Variants in TET3 observed in about 807,000 individuals in gnomAD.
TET3 encodes the protein tet methylcytosine dioxygenase 3.
Under a neutral mutation model 141.4 loss-of-function variants are expected in TET3, and 19 were observed. That is an observed-to-expected ratio of 0.13 (90% CI 0.09 to 0.20). The LOEUF (loss-of-function observed/expected upper bound fraction) is 0.20, where lower values mean the gene tolerates loss of function less well. Among genes scored for constraint, TET3 ranks in the 10% least tolerant of loss-of-function variants. The pLI, the probability that TET3 is intolerant of heterozygous loss-of-function variation, is 1.00. For missense variants in TET3, 1,874 were observed against 2,356.9 expected (o/e 0.80, Z 4.24); for synonymous variants, 1,043 against 980.9 (o/e 1.06, Z -1.18).
At chr2:74,117,908 G>A in the TET3 span, among the ~76,000 whole-genome samples, 9 of 151,864 alleles carry the variant, frequency 5.9e-5, no homozygotes, top group South Asian at 4.2e-4. Context: ...ACCACACCCA[G>A]CTAATTTTTG....
At chr2:74,057,528 G>A (rs1688281373) in intron 4 of TET3, among the ~76,000 whole-genome samples, 1 of 152,236 alleles carries the variant, frequency 6.6e-6, no homozygotes. Flanking sequence ...ACAGGAGTAA[G>A]GAAATTCTGC....
chr2:74,100,936 C>T lies in TET3; in HGVS notation c.4148C>T (p.Ser1383Phe). Residue 1383 changes from serine to phenylalanine, a missense_variant, in exon 12 of 12, where the codon TCC (serine) becomes TTC (phenylalanine). Physicochemically the swap from Ser to Phe is radical, Grantham distance 155. This residue lies in a region of TET3 where 602 missense variants were observed against 590.2 expected (regional missense o/e 1.02). Transcript: ENST00000409262. ...PLLHSVSRDP[S>F]PFAQSSNCYN... ...CTCCACTCAGTGTCCAGGGACCCCT[C>T]CCCCTTTGCCCAGAGCTCCAACTGC... 2.5e-6 allele frequency: 4 copies of T among 1,610,822 alleles called. No individual in the cohort carries two copies. The highest frequency in any genetic ancestry group is 3.4e-6 in the Non-Finnish European group (4 of 1,178,686).
chr2:74,033,983 C>G (rs1397789529), intron 3 of TET3, among the ~76,000 whole-genome samples: 1 of 152,056 alleles, frequency 6.6e-6, no homozygotes. Flanking sequence ...GTAATCCTAG[C>G]TACTTGGGAG....
At chr2:74,091,643 G>A (rs1054093277) in intron 8 of TET3, among the ~76,000 whole-genome samples, 6 of 152,242 alleles carry the variant, frequency 3.9e-5, no homozygotes, top group Non-Finnish European at 7.3e-5. Context: ...CAGCCCTGGC[G>A]ACCCCACTGG....
chr2:74,021,758 CT>C (rs1191216239), intron 3 of TET3, among the ~76,000 whole-genome samples: 1 of 152,210 alleles, frequency 6.6e-6, no homozygotes, highest in African/African-American at 2.4e-5. Context: ...AGTTTGAGAA[CT>C]GCTGGCCTGT....
At chr2:74,078,275 C>G (rs972338332) in intron 5 of TET3, among the ~76,000 whole-genome samples, 6 of 151,972 alleles carry the variant, frequency 3.9e-5, no homozygotes, top group Admixed American at 2.0e-4. Flanking sequence ...GTCTAAAGAA[C>G]GAATAAAGCG....
At chr2:74,025,996 C>A (rs1369365508) in intron 3 of TET3, among the ~76,000 whole-genome samples, 1 of 152,140 alleles carries the variant, frequency 6.6e-6, no homozygotes, top group Non-Finnish European at 1.5e-5. Context: ...ACTCCTTGTC[C>A]TCATAGCTCC....
intron 4 of TET3, among the ~76,000 whole-genome samples, chr2:74,061,804 C>T (rs1451469881): frequency 7.5e-6 from 1 of 133,798 alleles, no homozygotes; most frequent in Non-Finnish European, 1.6e-5. Context: ...TAGAGGCGCT[C>T]CTCACATCTC....
intron 3 of TET3, among the ~76,000 whole-genome samples, chr2:74,019,618 C>T (rs923208672): frequency 3.9e-5 from 6 of 152,162 alleles, no homozygotes; most frequent in African/African-American, 4.8e-5. Context: ...TTTTAATAAA[C>T]GCCGTGGCAT....
chr2:74,047,782 C>T lies in TET3; in HGVS notation c.1865C>T (p.Pro622Leu). The change falls in exon 4 of 12, where the codon CCA (proline) becomes CTA (leucine). Residue 622 changes from proline (P) to leucine (L), a missense_variant. Physicochemically the swap from Pro to Leu is moderately conservative, Grantham distance 98. This residue lies in a region of TET3 where 484 missense variants were observed against 462.2 expected (regional missense o/e 1.05). Transcript: ENST00000409262. ...CCCCGGGAAGCACAGCCCCTCTTCC[C>T]ACCTGTCCGACAGATTGTCCTGGAA... ...SRPREAQPLF[P>L]PVRQIVLEGL... is the part of the protein sequence containing the mutation. 2 of 1,613,806 alleles carry T rather than the reference C, an allele frequency of 1.2e-6. No homozygotes were observed. Among genetic ancestry groups the T allele is most frequent in the Non-Finnish European group, 1.7e-6 (2 of 1,179,828 alleles).
At position 74,090,008 on chromosome 2, in the gene TET3, A is replaced by G. The variant is rs1324182442; in HGVS notation, c.3000A>G (p.Thr1000=). 1.2e-6 allele frequency: 2 copies of G among 1,613,904 alleles called. No individual in the cohort carries two copies. Among genetic ancestry groups the G allele is most frequent in the African/African-American group, 2.7e-5 (2 of 74,924 alleles). Residue 1000 remains threonine (T), a synonymous_variant, in exon 8 of 12, where the codon ACA becomes ACG. Transcript: ENST00000409262. ...FNGCKYARSK[T]PRKFRLAGDN... ...GCTGCAAGTATGCTCGGAGCAAGAC[A>G]CCTCGCAAGTTCCGCCTCGCAGGGG... is the stretch of plus-strand genomic sequence containing the variant.
At chr2:74,064,176 T>A (rs563295108) in intron 4 of TET3, among the ~76,000 whole-genome samples, 1 of 152,260 alleles carries the variant, frequency 6.6e-6, no homozygotes, top group South Asian at 2.1e-4. Context: ...ATCAATGATG[T>A]CTTATACTAG....
chr2:74,076,542 AT>A (rs1689524912), intron 5 of TET3, among the ~76,000 whole-genome samples: 2 of 142,214 alleles, frequency 1.4e-5, no homozygotes, highest in Admixed American at 1.5e-4. Context: ...ATAACAAGAT[AT>A]TCCAGGCTTG....
At chr2:74,089,190 G>C (rs143634900) in intron 7 of TET3, among the ~76,000 whole-genome samples, 114 of 152,020 alleles carry the variant, frequency 7.5e-4, no homozygotes, top group Middle Eastern at 3.4e-3. Context: ...GGCAGTCACC[G>C]GTCTTGTTTC....
At chr2:74,042,815 G>GAAA (rs1370783669) in intron 3 of TET3, among the ~76,000 whole-genome samples, 3 of 152,226 alleles carry the variant, frequency 2.0e-5, no homozygotes, top group African/African-American at 7.2e-5. Context: ...CAGGTGTTGA[G>GAAA]AAAGGTATCA....
chr2:74,107,328 A>T lies in TET3; in HGVS notation c.*5152A>T, dbSNP rs1327546797. The T allele has an allele frequency of 6.6e-6, 1 of 152,284 alleles. No homozygotes were observed. Among genetic ancestry groups the T allele is most frequent in the South Asian group, 2.1e-4 (1 of 4,834 alleles). 9.4% of individuals were successfully genotyped at this position (152,284 alleles called of 1,614,324 possible). Reference sequence around the variant, plus strand: ...TAAAGTTGCTTTTTGCCTAAGAATCAGCGAGCGATTTGGCCTACTTCCTCA... The same window carrying T: ...TAAAGTTGCTTTTTGCCTAAGAATCTGCGAGCGATTTGGCCTACTTCCTCA... On this transcript the variant is annotated 3_prime_UTR_variant, in exon 12 of 12. Transcript: ENST00000409262.
At chr2:74,077,399 G>A (rs1689570820) in intron 5 of TET3, among the ~76,000 whole-genome samples, 2 of 152,204 alleles carry the variant, frequency 1.3e-5, no homozygotes, top group Non-Finnish European at 2.9e-5. Flanking sequence ...CCCTTGGAGA[G>A]CCAGTTATCC....
Position 74,101,019 on chromosome 2 carries a change from C to T in TET3, c.4231C>T (p.Pro1411Ser), listed in dbSNP as rs532300542. Residue 1411 changes from proline (P) to serine (S), a missense_variant, in exon 12 of 12, where the codon CCC becomes TCC. Coordinates refer to ENST00000409262, the MANE Select transcript of TET3 (RefSeq NM_001287491.2). The surrounding 1 kb of genome is among the most constrained non-coding windows in gnomAD (Gnocchi z 8.5). ...VDPLTQAEPVPRDAGKMGKTP... is the reference protein window; with the variant it reads ...VDPLTQAEPVSRDAGKMGKTP... ...CCCGCTGACCCAGGCTGAGCCTGTG[C>T]CCAGAGACGCTGGCAAGATGGGCAA... 3 of 1,612,988 alleles carry T rather than the reference C, an allele frequency of 1.9e-6. No individual in the cohort carries two copies. The highest frequency in any genetic ancestry group is 3.3e-5 in the Admixed American group (2 of 59,850).
chr2:73,988,864 C>T (rs150236422), intron 2 of TET3, among the ~76,000 whole-genome samples: 6 of 149,412 alleles, frequency 4.0e-5, no homozygotes, highest in African/African-American at 1.5e-4. Flanking sequence ...GTTTAAAATA[C>T]GCTTTCTTAA....
Sources: allele counts gnomAD v4.1 joint callset (sites outside exome capture counted in the v4.1 genomes callset), GRCh38; gene constraint gnomAD v4.1.1; regional missense constraint gnomAD v4.1.1; non-coding constraint Gnocchi (gnomAD v3.1); transcripts MANE v1.5; gene names NCBI Gene and HGNC (gene_info 2026-07-23, HGNC 2026-07-21).